LIN28B: variants seen among roughly 807,000 people sequenced by gnomAD.
The protein encoded by LIN28B is protein lin-28 homolog B.
In LIN28B, 5 loss-of-function variants were observed where a neutral mutation model predicts 21.9. The ratio of observed to expected loss-of-function variants is 0.23; its 90% CI spans 0.12 to 0.48. The LOEUF is 0.48. Ranked by LOEUF, LIN28B falls within the 20% of genes least tolerant of loss-of-function variation. LIN28B has a pLI of 0.98. For missense variants in LIN28B, 245 were observed against 310.5 expected (o/e 0.79, Z 1.58); for synonymous variants, 109 against 111.3 (o/e 0.98, Z 0.13).
chr6:104,953,928 G>A (rs770144633), upstream of LIN28B, among the ~76,000 whole-genome samples: 2 of 152,182 alleles, frequency 1.3e-5, no homozygotes, highest in Admixed American at 1.3e-4. Flanking sequence ...AACAACGACG[G>A]TGGGCTCTGG....
chr6:105,026,441 C>G lies in LIN28B; in HGVS notation c.342C>G (p.Pro114=). 6.2e-7 allele frequency: 1 copy of G among 1,605,940 alleles called. No homozygotes were observed. The highest frequency in any genetic ancestry group is 1.1e-5 in the South Asian group (1 of 89,632). ...GSPCLGSERR[P]KGKTLQKRKP... ...CCTGTTTAGGAAGTGAAAGAAGACCCAAAGGGAAGACACTACAGAAAAGAA... is the reference window on the plus strand; with the variant it reads ...CCTGTTTAGGAAGTGAAAGAAGACCGAAAGGGAAGACACTACAGAAAAGAA... The change falls in exon 3 of 4, where the codon CCC becomes CCG. Residue 114 remains proline, a synonymous_variant. Transcript: ENST00000345080.
chr6:105,026,962 AT>A (rs950293201), intron 3 of LIN28B, among the ~76,000 whole-genome samples: 9 of 152,086 alleles, frequency 5.9e-5, no homozygotes, highest in Admixed American at 5.9e-4. Flanking sequence ...GAAACTTGTA[AT>A]TTTTTTCACC....
At chr6:104,999,667 T>C (rs1770681016) in intron 2 of LIN28B, among the ~76,000 whole-genome samples, 1 of 152,152 alleles carries the variant, frequency 6.6e-6, no homozygotes, top group African/African-American at 2.4e-5. Flanking sequence ...CCCTGTCTTA[T>C]GGTGCTGAAC....
chr6:104,974,750 T>TA (rs930560622), intron 2 of LIN28B, among the ~76,000 whole-genome samples: 8 of 151,600 alleles, frequency 5.3e-5, no homozygotes, highest in East Asian at 1.9e-4. Context: ...ATATGAAAGA[T>TA]AAAAAAAATA....
intron 3 of LIN28B, among the ~76,000 whole-genome samples, chr6:105,056,199 A>G (rs1470386285): frequency 1.3e-5 from 2 of 151,324 alleles, no homozygotes; most frequent in Non-Finnish European, 2.9e-5. Context: ...TCTTTTTAAG[A>G]TCTTGACTAC....
chr6:105,016,212 G>A (rs1313254418), intron 2 of LIN28B, among the ~76,000 whole-genome samples: 1 of 149,610 alleles, frequency 6.7e-6, no homozygotes, highest in Non-Finnish European at 1.5e-5. Flanking sequence ...AAGAAGTTTT[G>A]TAGTAAATTT....
At chr6:104,962,608 T>A (rs1353506214) in intron 2 of LIN28B, among the ~76,000 whole-genome samples, 3 of 152,256 alleles carry the variant, frequency 2.0e-5, no homozygotes, top group Admixed American at 2.0e-4. Context: ...ATATGAAAAA[T>A]TTCTTACACA....
chr6:104,981,151 C>CGAAATAGCAG (rs1770215172), intron 2 of LIN28B, among the ~76,000 whole-genome samples: 1 of 152,158 alleles, frequency 6.6e-6, no homozygotes, highest in Non-Finnish European at 1.5e-5. Flanking sequence ...TCCCATCCTT[C>CGAAATAGCAG]TGAAAACACT....
intron 3 of LIN28B, among the ~76,000 whole-genome samples, chr6:105,052,638 T>C (rs1022363259): frequency 6.6e-6 from 1 of 152,224 alleles, no homozygotes; most frequent in Non-Finnish European, 1.5e-5. Context: ...CTTTAAGGAA[T>C]GAGTCCTTTT....
At chr6:105,030,730 G>A (rs1010703360) in intron 3 of LIN28B, among the ~76,000 whole-genome samples, 5 of 151,208 alleles carry the variant, frequency 3.3e-5, no homozygotes, top group Admixed American at 6.6e-5. Context: ...CCGAGTAGCC[G>A]GGACTACAGG....
At chr6:105,046,704 C>G (rs908825433) in intron 3 of LIN28B, among the ~76,000 whole-genome samples, 7 of 152,266 alleles carry the variant, frequency 4.6e-5, no homozygotes, top group Admixed American at 3.3e-4. Context: ...TTAATGATCA[C>G]CATTCTAACT....
chr6:105,006,117 A>G (rs946872672), intron 2 of LIN28B, among the ~76,000 whole-genome samples: 2 of 152,042 alleles, frequency 1.3e-5, no homozygotes, highest in African/African-American at 4.8e-5. Context: ...TTGGCTGTCC[A>G]TTTTGAAGAG....
In LIN28B at chr6:105,037,468, C is replaced by T. The variant is rs186262501; in HGVS notation, c.383+10986C>T. ...CAACTTTTCTCTCCTCCCCTCACTT[C>T]TCCTCCCCTCTCCTCCCCCTCCTCC... On this transcript the variant is annotated intron_variant, in intron 3 of 3. Coordinates refer to ENST00000345080, the MANE Select transcript of LIN28B (RefSeq NM_001004317.4). Among the ~76,000 whole-genome samples, 632 of 149,560 alleles carry T rather than the reference C, an allele frequency of 4.2e-3. 7 individuals carry two copies. The highest frequency in any genetic ancestry group is 0.015 in the African/African-American group (602 of 40,666).
At chr6:105,023,210 G>GATATAT (rs370667791) in intron 2 of LIN28B, among the ~76,000 whole-genome samples, 20 of 69,018 alleles carry the variant, frequency 2.9e-4, no homozygotes, top group South Asian at 1.3e-3. Context: ...GTTTCTTATG[G>GATATAT]ATATATATAT....
chr6:105,011,950 G>A lies in LIN28B; in HGVS notation c.199-14348G>A, dbSNP rs139312955. Among the ~76,000 whole-genome samples, 895 of 152,182 alleles carry A rather than the reference G, an allele frequency of 5.9e-3. 7 individuals carry two copies. The highest frequency in any genetic ancestry group is 0.02 in the African/African-American group (847 of 41,524). ...CGAGGCAGGCAGATCACAAGGTCAG[G>A]AGTTCGAGACTGGCCTGGCCAACAT... On this transcript the variant is annotated intron_variant, in intron 2 of 3. Transcript: ENST00000345080.
At chr6:105,005,975 A>C (rs1770809326) in intron 2 of LIN28B, among the ~76,000 whole-genome samples, 1 of 152,186 alleles carries the variant, frequency 6.6e-6, no homozygotes. Context: ...ATAATCTTTC[A>C]TCCAGCTGAG....
chr6:104,990,846 A>G (rs1770450424), intron 2 of LIN28B, among the ~76,000 whole-genome samples: 1 of 152,196 alleles, frequency 6.6e-6, no homozygotes, highest in South Asian at 2.1e-4. Flanking sequence ...CTGAGTGGAC[A>G]CAGCACATGT....
intron 2 of LIN28B, among the ~76,000 whole-genome samples, chr6:104,988,241 G>C (rs1030136416): frequency 6.6e-6 from 1 of 152,084 alleles, no homozygotes; most frequent in Non-Finnish European, 1.5e-5. Flanking sequence ...CTAGTTTGCT[G>C]ATAGTTTTTA....
intron 2 of LIN28B, among the ~76,000 whole-genome samples, chr6:104,993,833 C>CAAAAAA (rs568787406): frequency 1.1e-5 from 1 of 89,172 alleles, no homozygotes; most frequent in African/African-American, 3.9e-5. Context: ...GAGATTGTCT[C>CAAAAAA]AAAAAAAAAA....
Sources: allele counts gnomAD v4.1 joint callset (sites outside exome capture counted in the v4.1 genomes callset), GRCh38; gene constraint gnomAD v4.1.1; transcripts MANE v1.5; gene names NCBI Gene and HGNC (gene_info 2026-07-23, HGNC 2026-07-21).